The following CAPN8 variants were observed in gnomAD, a reference collection of about 807,000 sequenced individuals.
CAPN8 encodes the protein calpain 8, also known as calpain-8.
A neutral mutation model predicts 80.9 loss-of-function variants in CAPN8; 87 were observed. The observed-to-expected ratio is 1.07, with a 90% CI of 0.90 to 1.28. CAPN8 has a LOEUF of 1.28. CAPN8 is among the 50% of genes most tolerant of loss of function. The pLI, the probability that CAPN8 is intolerant of heterozygous loss-of-function variation, is 0.00. For missense variants in CAPN8, 757 were observed against 702.0 expected (o/e 1.08, Z -0.89); for synonymous variants, 299 against 273.8 (o/e 1.09, Z -0.91).
intron 7 of CAPN8, among the ~76,000 whole-genome samples, chr1:223,621,416 C>G (rs1657389245): frequency 6.6e-6 from 1 of 152,106 alleles, no homozygotes; most frequent in Non-Finnish European, 1.5e-5. Context: ...TCCCGCCTGC[C>G]AGGGAGCGGG....
At chr1:223,621,374 G>A (rs769035964) in intron 7 of CAPN8, among the ~76,000 whole-genome samples, 32 of 151,880 alleles carry the variant, frequency 2.1e-4, no homozygotes, top group African/African-American at 7.7e-4. Context: ...ATCTCCAGCT[G>A]GTAGGGCCTC....
Position 223,629,197 on chromosome 1 carries a change from AGTGTGT to A in CAPN8, c.308-423_308-418del, listed in dbSNP as rs113967295. On this transcript the variant is annotated intron_variant, in intron 2 of 20. Transcript: ENST00000366872. ...CCAATCTATGATGTGTACGTGTAAG[AGTGTGT>A]GTGTGTGTGTGTGTGTGTGTGTGTG... Among the ~76,000 whole-genome samples the A allele has an allele frequency of 3.6e-3, 342 of 95,312 alleles. 6 individuals carry two copies. Among genetic ancestry groups the A allele is most frequent in the African/African-American group, 0.012 (322 of 27,518 alleles). 62.5% of individuals were successfully genotyped at this position (95,312 alleles called of 152,430 possible). A position where few individuals can be genotyped will look rare whatever the true frequency, so the allele number is the denominator to read the frequency against.
intron 4 of CAPN8, among the ~76,000 whole-genome samples, chr1:223,627,748 C>T (rs923939901): frequency 6.6e-6 from 1 of 152,198 alleles, no homozygotes; most frequent in African/African-American, 2.4e-5. Context: ...AGAGGAAAAG[C>T]TCAGGCCCAG....
intron 13 of CAPN8, among the ~76,000 whole-genome samples, chr1:223,557,588 AC>A (rs1656934021): frequency 6.6e-6 from 1 of 152,182 alleles, no homozygotes; most frequent in Non-Finnish European, 1.5e-5. Flanking sequence ...GAGGTGGTGA[AC>A]CCACACCTCA....
Position 223,551,110 on chromosome 1 carries a change from C to T in CAPN8, c.1642-93G>A, listed in dbSNP as rs574588612. On this transcript the variant is annotated intron_variant, in intron 14 of 20. Coordinates refer to ENST00000366872, the MANE Select transcript of CAPN8 (RefSeq NM_001143962.2). ...TGCAGTGCTTCCTCACAGTCAGACA[C>T]CAGGCCCACTGGCCCTGTGAGGTTT... is the stretch of plus-strand genomic sequence containing the variant. 19 of 676,986 alleles carry T rather than the reference C, an allele frequency of 2.8e-5. No homozygotes were observed. The South Asian group carries it at 3.2e-4, about 11-fold the overall frequency. 41.9% of individuals were successfully genotyped at this position (676,986 alleles called of 1,614,324 possible). A position where few individuals can be genotyped will look rare whatever the true frequency, so the allele number is the denominator to read the frequency against.
intron 19 of CAPN8, 60 bp from the exon 20 acceptor site, chr1:223,543,226 CA>C (rs1163455975): frequency 1.3e-6 from 2 of 1,533,482 alleles, no homozygotes; most frequent in Admixed American, 2.0e-5. Flanking sequence ...TTGGAACAAT[CA>C]GAGAGCTGCC....
intron 2 of CAPN8, chr1:223,642,609 T>C (rs1227126413): frequency 5.5e-6 from 2 of 361,106 alleles, no homozygotes; most frequent in Non-Finnish European, 1.1e-5. Flanking sequence ...AGAGAGTTAA[T>C]GTACTTCAAA....
chr1:223,612,970 G>A (rs1344638828), intron 10 of CAPN8, among the ~76,000 whole-genome samples: 1 of 152,100 alleles, frequency 6.6e-6, no homozygotes, highest in Non-Finnish European at 1.5e-5. Flanking sequence ...AGCTCGAGTT[G>A]GGCTTTATTA....
At chr1:223,640,828 C>T (rs551998922) in intron 2 of CAPN8, among the ~76,000 whole-genome samples, 94 of 152,268 alleles carry the variant, frequency 6.2e-4, no homozygotes, top group African/African-American at 2.2e-3. Context: ...CCACCTAACA[C>T]TAGAAACATT....
chr1:223,614,011 T>G (rs765767753), intron 10 of CAPN8, among the ~76,000 whole-genome samples: 1 of 152,260 alleles, frequency 6.6e-6, no homozygotes. Context: ...ACTAAAAAAC[T>G]GATATGCTTT....
rs375715776 is a variant in CAPN8, at chr1:223,646,689, C to G, written c.307+7641G>C. 3.3e-5 allele frequency among the ~76,000 whole-genome samples: 5 copies of G among 152,140 alleles called. No individual in the cohort carries two copies. In the East Asian group the frequency reaches 5.8e-4, roughly 18 times the overall value. On this transcript the variant is annotated intron_variant, in intron 2 of 20. Coordinates refer to ENST00000366872, the MANE Select transcript of CAPN8 (RefSeq NM_001143962.2). ...TGGCTGAGGCGGGACAGCAGGGTACCCCTCGTAAGTCAGAGAGAGCTGAAG... is the reference window on the plus strand; with the variant it reads ...TGGCTGAGGCGGGACAGCAGGGTACGCCTCGTAAGTCAGAGAGAGCTGAAG...
At chr1:223,552,826 C>A (rs928375848) in intron 14 of CAPN8, among the ~76,000 whole-genome samples, 7 of 152,108 alleles carry the variant, frequency 4.6e-5, no homozygotes, top group Non-Finnish European at 8.8e-5. Context: ...AAGAACTATG[C>A]AAATATGAGC....
Position 223,664,271 on chromosome 1 carries a change from T to C in CAPN8, c.237+1139A>G, listed in dbSNP as rs116807206. ...CCACCTCTCCACTCACCAGCCCTGA[T>C]GGAATAATGTCAATTCATGACCTTG... On this transcript the variant is annotated intron_variant, in intron 1 of 20. Coordinates refer to ENST00000366872, the MANE Select transcript of CAPN8 (RefSeq NM_001143962.2). Among the ~76,000 whole-genome samples the C allele has an allele frequency of 4.5e-3, 691 of 152,318 alleles. 3 individuals are homozygous for C. The highest frequency in any genetic ancestry group is 7.0e-3 in the Non-Finnish European group (475 of 68,028).
intron 2 of CAPN8, among the ~76,000 whole-genome samples, chr1:223,653,834 T>A (rs1222191331): frequency 6.6e-6 from 1 of 152,174 alleles, no homozygotes; most frequent in African/African-American, 2.4e-5. Context: ...AGGAATATGA[T>A]AAGTTCAGAA....
chr1:223,633,657 G>A (rs188948400), intron 2 of CAPN8, among the ~76,000 whole-genome samples: 468 of 152,086 alleles, frequency 3.1e-3, no homozygotes, highest in African/African-American at 6.1e-3. Flanking sequence ...GCAAGGCGCC[G>A]CCTCAAAAAG....
intron 2 of CAPN8, among the ~76,000 whole-genome samples, chr1:223,648,053 G>A (rs896222450): frequency 4.6e-5 from 7 of 152,172 alleles, no homozygotes; most frequent in African/African-American, 1.4e-4. Flanking sequence ...GAAATAATGC[G>A]CAATATGCAA....
chr1:223,637,016 G>T (rs1657910106), intron 2 of CAPN8, among the ~76,000 whole-genome samples: 1 of 152,120 alleles, frequency 6.6e-6, no homozygotes, highest in Non-Finnish European at 1.5e-5. Flanking sequence ...TCTCAAGTTT[G>T]TTCCCCATGC....
At chr1:223,631,317 C>T (rs1657767292) in intron 2 of CAPN8, among the ~76,000 whole-genome samples, 2 of 152,234 alleles carry the variant, frequency 1.3e-5, no homozygotes, top group South Asian at 4.1e-4. Context: ...TCACAAGCTG[C>T]CTCAGATCAT....
intron 14 of CAPN8, among the ~76,000 whole-genome samples, chr1:223,553,508 C>G (rs1656845892): frequency 6.6e-6 from 1 of 152,168 alleles, no homozygotes; most frequent in African/African-American, 2.4e-5. Context: ...GCCATCCCAG[C>G]TTTTTATTCA....
Sources: gnomAD v4.1 joint callset for allele counts (sites outside exome capture counted in the v4.1 genomes callset) on GRCh38, gnomAD v4.1.1 for gene constraint, MANE v1.5 for transcripts, NCBI Gene and HGNC (gene_info 2026-07-23, HGNC 2026-07-21) for gene names.